Variants in FBRSL1 observed in about 807,000 individuals in gnomAD.
FBRSL1 encodes the protein fibrosin like 1.
A neutral mutation model predicts 89.6 loss-of-function variants in FBRSL1; 51 were observed. The observed-to-expected ratio is 0.57, with a 90% confidence interval of 0.45 to 0.72. The LOEUF (loss-of-function observed/expected upper bound fraction) is 0.72. Among genes scored for constraint, FBRSL1 ranks in the 30% least tolerant of loss-of-function variants. The pLI is 0.00. For synonymous variants in FBRSL1, 779 were observed against 681.1 expected, an observed-to-expected ratio of 1.14 and a Z score of -2.24; for missense variants, 1,618 against 1,451.8, an observed-to-expected ratio of 1.11 and a Z score of -1.86.
intron 5 of FBRSL1, among the ~76,000 whole-genome samples, chr12:132,556,832 C>T (rs1015328833): frequency 1.4e-5 from 2 of 147,240 alleles, no homozygotes; most frequent in Non-Finnish European, 1.5e-5. Context: ...TCCTGTGGGA[C>T]GCTCTTCTTC....
intron 15 of FBRSL1, among the ~76,000 whole-genome samples, chr12:132,578,952 G>T (rs1044343596): frequency 2.0e-5 from 3 of 152,242 alleles, no homozygotes; most frequent in Non-Finnish European, 4.4e-5. Context: ...GTTTCTGGCT[G>T]TCCGCATCCT....
At chr12:132,561,281 A>G (rs1566204737) in intron 5 of FBRSL1, among the ~76,000 whole-genome samples, 1 of 152,156 alleles carries the variant, frequency 6.6e-6, no homozygotes, top group Non-Finnish European at 1.5e-5. Flanking sequence ...GGATGGCCCC[A>G]GCCGCGCGGC....
intron 11 of FBRSL1, among the ~76,000 whole-genome samples, chr12:132,573,819 G>A (rs2137968297): frequency 6.6e-6 from 1 of 152,308 alleles, no homozygotes; most frequent in East Asian, 1.9e-4. Flanking sequence ...CCCTCTGGGT[G>A]GGGCTGTCTC....
intron 4 of FBRSL1, among the ~76,000 whole-genome samples, chr12:132,547,692 G>T (rs574605433): frequency 6.6e-6 from 1 of 152,342 alleles, no homozygotes; most frequent in East Asian, 1.9e-4. Context: ...CTGCTCTGAG[G>T]GTCTGGCCAG....
chr12:132,581,321 A>G (rs1593607447), intron 15 of FBRSL1, 118 bp from the exon 16 acceptor site: 2 of 1,539,180 alleles, frequency 1.3e-6, no homozygotes, highest in East Asian at 2.5e-5. Flanking sequence ...AGGGCATGCG[A>G]GAGAATGGGA....
chr12:132,494,064 G>A (rs568875853), intron 1 of FBRSL1, among the ~76,000 whole-genome samples: 34 of 152,286 alleles, frequency 2.2e-4, no homozygotes, highest in South Asian at 2.1e-3. Flanking sequence ...GCCAGCCCCC[G>A]CTTGACTTTC....
intron 3 of FBRSL1, among the ~76,000 whole-genome samples, chr12:132,526,070 C>T (rs533437045): frequency 2.2e-4 from 34 of 152,380 alleles, no homozygotes; most frequent in African/African-American, 7.7e-4. Context: ...TTCGTTAAAG[C>T]GTGATTTTTT....
At chr12:132,520,766 G>A (rs1357139376) in intron 2 of FBRSL1, among the ~76,000 whole-genome samples, 1 of 152,322 alleles carries the variant, frequency 6.6e-6, no homozygotes, top group East Asian at 1.9e-4. Context: ...CATCATCCAT[G>A]GCTCAACCAG....
intron 12 of FBRSL1, 33 bp from the exon 13 acceptor site, chr12:132,574,286 C>A: frequency 3.3e-6 from 5 of 1,508,710 alleles, no homozygotes; most frequent in Non-Finnish European, 4.4e-6. Context: ...TCCTGAGGGG[C>A]CCGGACCTCA....
At chr12:132,550,053 G>A (rs2038018242) in intron 5 of FBRSL1, among the ~76,000 whole-genome samples, 1 of 151,818 alleles carries the variant, frequency 6.6e-6, no homozygotes, top group African/African-American at 2.4e-5. Flanking sequence ...GGCGAGTTTG[G>A]CATTCCTGCA....
intron 6 of FBRSL1, among the ~76,000 whole-genome samples, chr12:132,569,469 G>A (rs1168879410): frequency 6.6e-6 from 1 of 152,182 alleles, no homozygotes; most frequent in Non-Finnish European, 1.5e-5. Context: ...CCCATGCCCT[G>A]GGCTGAGGGC....
chr12:132,509,825 G>A (rs1476912101), intron 2 of FBRSL1: 2 of 1,231,574 alleles, frequency 1.6e-6, no homozygotes, highest in Non-Finnish European at 2.0e-6. Flanking sequence ...AGTGCCAGCG[G>A]TACCAGCCCC....
At chr12:132,492,717 C>T (rs545847628) in intron 1 of FBRSL1, among the ~76,000 whole-genome samples, 1 of 152,212 alleles carries the variant, frequency 6.6e-6, no homozygotes, top group Non-Finnish European at 1.5e-5. Context: ...CCAGCTGGCC[C>T]CTCAGGTCAT....
At chr12:132,492,982 A>G (rs749329438) in intron 1 of FBRSL1, among the ~76,000 whole-genome samples, 1 of 152,362 alleles carries the variant, frequency 6.6e-6, no homozygotes, top group East Asian at 1.9e-4. Context: ...CATTCTCTCC[A>G]TCAGGCAGTG....
At position 132,583,591 on chromosome 12, in the gene FBRSL1, G is replaced by T. The variant is rs1304943672; in HGVS notation, c.2822G>T (p.Gly941Val). ...CTCTCGCCCGCCGCGCTGCACAATGGGCTCCTGGCGCGGACCCCGCCCGCC... is the reference window on the plus strand; with the variant it reads ...CTCTCGCCCGCCGCGCTGCACAATGTGCTCCTGGCGCGGACCCCGCCCGCC... The part of the protein sequence containing the change: ...PRLSPAALHN[G>V]LLARTPPAAA... The change falls in exon 19 of 19, where the codon GGG (glycine) becomes GTG (valine). Residue 941 changes from glycine to valine, a missense_variant. By Grantham distance (109) the Gly-to-Val change is moderately radical. Coordinates refer to ENST00000680143, the MANE Select transcript of FBRSL1 (RefSeq NM_001367871.1). 15 of 996,260 alleles carry T rather than the reference G, an allele frequency of 1.5e-5. No homozygotes were observed. The highest frequency in any genetic ancestry group is 1.8e-5 in the Non-Finnish European group (15 of 838,150). The allele number at this position is 996,260 out of a possible 1,614,324, so 61.7% of individuals were successfully genotyped here. A position where few individuals can be genotyped will look rare whatever the true frequency, so the allele number is the denominator to read the frequency against.
At chr12:132,545,156 G>A (rs2037585022) in intron 4 of FBRSL1, among the ~76,000 whole-genome samples, 1 of 152,198 alleles carries the variant, frequency 6.6e-6, no homozygotes, top group Non-Finnish European at 1.5e-5. Context: ...CTGAGTCTTG[G>A]CCTCCTGACC....
intron 4 of FBRSL1, among the ~76,000 whole-genome samples, chr12:132,535,279 G>C (rs1314455009): frequency 2.0e-5 from 3 of 152,238 alleles, no homozygotes; most frequent in Non-Finnish European, 4.4e-5. Context: ...GGGCCAGGGG[G>C]CCATCTTTTA....
intron 4 of FBRSL1, among the ~76,000 whole-genome samples, chr12:132,532,629 G>A (rs7132425): frequency 0.028 from 4,265 of 152,208 alleles, 180 homozygotes; most frequent in African/African-American, 0.094. Context: ...GTCCATGGCC[G>A]GGCATGCACA....
In FBRSL1 at chr12:132,574,444, A is replaced by G. The variant is rs371613718; in HGVS notation, c.1630-49A>G. ...GTGACAGCAGGAGTCTGCAGAAAAC[A>G]TGGGTGGGGGTGGCACCAGCCCCAC... On this transcript the variant is annotated intron_variant, in intron 13 of 18. Coordinates refer to ENST00000680143, the MANE Select transcript of FBRSL1 (RefSeq NM_001367871.1). 20 of 1,548,238 alleles carry G rather than the reference A, an allele frequency of 1.3e-5. No homozygotes were observed. The African/African-American group carries it at 2.5e-4, about 19-fold the overall frequency.
Sources: gnomAD v4.1 joint callset for allele counts (sites outside exome capture counted in the v4.1 genomes callset) on GRCh38, gnomAD v4.1.1 for gene constraint, MANE v1.5 for transcripts, NCBI Gene and HGNC (gene_info 2026-07-23, HGNC 2026-07-21) for gene names.